RASA2: variants seen among roughly 807,000 people sequenced by gnomAD.
RASA2 encodes RAS p21 protein activator 2.
In RASA2, 155 loss-of-function variants were observed where a neutral mutation model predicts 118.2. That is an observed-to-expected ratio of 1.31 (90% CI 1.15 to 1.50). The LOEUF (loss-of-function observed/expected upper bound fraction) is 1.50, where lower values mean the gene tolerates loss of function less well. Ranked by LOEUF, RASA2 falls within the 40% of genes most tolerant of loss-of-function variation. RASA2 has a pLI of 0.00. For synonymous variants in RASA2, 353 were observed against 349.1 expected (o/e 1.01, Z -0.12); for missense variants, 1,016 against 1,009.6 (o/e 1.01, Z -0.09).
chr3:141,556,046 G>A, intron 7 of RASA2, 134 bp downstream of exon 7: 1 of 692,926 alleles, frequency 1.4e-6, no homozygotes, highest in East Asian at 3.0e-5. Flanking sequence ...CCTGAAAGCA[G>A]TAGAACCATG....
intron 17 of RASA2, among the ~76,000 whole-genome samples, chr3:141,582,615 C>G (rs745926238): frequency 4.6e-5 from 7 of 152,072 alleles, no homozygotes; most frequent in Non-Finnish European, 7.3e-5. Context: ...TCTGGGTCAC[C>G]CACTCACATT....
chr3:141,518,353 C>T lies in RASA2; in HGVS notation c.355+1922C>T, dbSNP rs546754229. ...CAAAAATTAGCCTGGAGCGGCGGTGCGCACCTGTAGTCCCAGCTACTCAGG... is the reference window on the plus strand; with the variant it reads ...CAAAAATTAGCCTGGAGCGGCGGTGTGCACCTGTAGTCCCAGCTACTCAGG... On this transcript the variant is annotated intron_variant, in intron 3 of 23. Transcript: ENST00000286364. Among the ~76,000 whole-genome samples the T allele has an allele frequency of 9.3e-5, 14 of 151,158 alleles. No individual in the cohort carries two copies. In the South Asian group the frequency reaches 1.7e-3, roughly 18 times the overall value.
chr3:141,515,409 A>G (rs1355643671), intron 2 of RASA2, among the ~76,000 whole-genome samples: 1 of 152,120 alleles, frequency 6.6e-6, no homozygotes, highest in Non-Finnish European at 1.5e-5. Flanking sequence ...GCATGACCCC[A>G]GGCAGTTACT....
intron 3 of RASA2, among the ~76,000 whole-genome samples, chr3:141,528,555 G>A (rs1455543163): frequency 1.3e-5 from 2 of 151,428 alleles, no homozygotes; most frequent in Admixed American, 6.6e-5. Context: ...CTTTTTTCCA[G>A]CACTAATGGC....
At chr3:141,569,627 A>G (rs923651501) in intron 9 of RASA2, among the ~76,000 whole-genome samples, 1 of 152,112 alleles carries the variant, frequency 6.6e-6, no homozygotes, top group African/African-American at 2.4e-5. Flanking sequence ...CCTTCATCCA[A>G]TTTTGTTTTG....
intron 17 of RASA2, 44 bp from the exon 18 acceptor site, chr3:141,585,981 G>C: frequency 6.8e-7 from 1 of 1,481,098 alleles, no homozygotes; most frequent in East Asian, 2.3e-5. Flanking sequence ...TTTTTATAAT[G>C]TACCTTATCA....
rs1227780410 is a variant in RASA2 at position 141,559,897 on chromosome 3, C to G, written c.765C>G (p.Ile255Met). 6.2e-7 allele frequency: 1 copy of G among 1,612,340 alleles called. No homozygotes were observed. The highest frequency in any genetic ancestry group is 8.5e-7 in the Non-Finnish European group (1 of 1,178,912). The stretch of plus-strand genomic sequence containing the variant: ...AAAGCCAGTTTTCAATTTTCAGGAT[C>G]GACTTGTGGAACAATGGAAACCTAG... ...EEDIEKLEIR[I>M]DLWNNGNLVQ... Residue 255 changes from isoleucine to methionine, a missense_variant, in exon 9 of 24, where the codon ATC (isoleucine) becomes ATG (methionine). Around this residue, in one of 2 missense-constraint regions of RASA2, gnomAD observed 896 missense variants for 836.4 expected, o/e 1.07. Coordinates refer to ENST00000286364, the MANE Select transcript of RASA2 (RefSeq NM_006506.5).
rs753830994 is a variant in RASA2 at position 141,559,930 on chromosome 3, T to C, written c.798T>C (p.Asp266=). 1.2e-6 allele frequency: 2 copies of C among 1,613,326 alleles called. No homozygotes were observed. The highest frequency in any genetic ancestry group is 1.1e-5 in the South Asian group (1 of 91,062). The change falls in exon 9 of 24, where the codon GAT becomes GAC. Residue 266 remains aspartate (D), a synonymous_variant. Coordinates refer to ENST00000286364, the MANE Select transcript of RASA2 (RefSeq NM_006506.5). ...GGAACAATGGAAACCTAGTCCAAGA[T>C]GTTTTCCTAGGTGAGATTAAGGTTC... ...DLWNNGNLVQ[D]VFLGEIKVPV... is the part of the protein sequence containing the mutation.
At chr3:141,560,481 T>A (rs949022454) in intron 9 of RASA2, among the ~76,000 whole-genome samples, 1 of 152,152 alleles carries the variant, frequency 6.6e-6, no homozygotes, top group African/African-American at 2.4e-5. Context: ...CTAATGTTAC[T>A]TTTTGAATGT....
Position 141,554,001 on chromosome 3 carries a change from AAAGT to A in RASA2, c.611+65_611+68del, listed in dbSNP as rs1415231229. 70 of 1,549,486 alleles carry A rather than the reference AAAGT, an allele frequency of 4.5e-5. 1 individual carries two copies. The South Asian group carries it at 7.8e-4, about 17-fold the overall frequency. ...TTTGATGTTTGATTTAAAAATTTAAAAAGTAAGATTCTACGAGCAAATGATAAAT... is the reference window on the plus strand; with the variant it reads ...TTTGATGTTTGATTTAAAAATTTAAAAAGATTCTACGAGCAAATGATAAAT... On this transcript the variant is annotated intron_variant, in intron 6 of 23. Transcript: ENST00000286364.
intron 5 of RASA2, among the ~76,000 whole-genome samples, chr3:141,540,992 G>T (rs949734262): frequency 6.6e-6 from 1 of 152,080 alleles, no homozygotes; most frequent in Admixed American, 6.6e-5. Context: ...GAGATGACCA[G>T]TATTGATTCC....
intron 1 of RASA2, among the ~76,000 whole-genome samples, chr3:141,501,599 T>G (rs954550209): frequency 1.3e-5 from 2 of 152,236 alleles, no homozygotes; most frequent in Non-Finnish European, 2.9e-5. Flanking sequence ...GCCTCTGTAA[T>G]GCATTCATTT....
At chr3:141,520,941 C>G (rs771212520) in intron 3 of RASA2, among the ~76,000 whole-genome samples, 5 of 151,998 alleles carry the variant, frequency 3.3e-5, no homozygotes, top group Non-Finnish European at 7.4e-5. Flanking sequence ...GCATAGGGAC[C>G]AAGATGAACA....
chr3:141,511,521 A>G (rs2081949990), intron 1 of RASA2, among the ~76,000 whole-genome samples: 2 of 152,122 alleles, frequency 1.3e-5, no homozygotes, highest in South Asian at 2.1e-4. Context: ...AAAGAGGGAT[A>G]TTTATGTTCA....
chr3:141,594,597 C>G (rs1306350264), intron 19 of RASA2, among the ~76,000 whole-genome samples: 1 of 152,034 alleles, frequency 6.6e-6, no homozygotes, highest in Non-Finnish European at 1.5e-5. Flanking sequence ...TCATAAAAAG[C>G]AACTAAAACT....
At chr3:141,572,585 T>G in intron 11 of RASA2, 24 bp from the exon 12 acceptor site, 2 of 1,514,548 alleles carry the variant, frequency 1.3e-6, no homozygotes, top group Non-Finnish European at 1.8e-6. Flanking sequence ...TTACTACATT[T>G]GGTTTCATCT....
rs543708092 is a variant in RASA2 at position 141,563,236 on chromosome 3, C to G, written c.863+3241C>G. 6.4e-4 allele frequency among the ~76,000 whole-genome samples: 98 copies of G among 152,226 alleles called. 1 individual carries two copies. The highest frequency in any genetic ancestry group is 9.7e-4 in the Non-Finnish European group (66 of 68,004). Reference sequence around the variant, plus strand: ...TTTCAGTTAAAAATTTCTCTTTATTCCCTGTTTCTTTTTCTTTCAAACGGA... The same window carrying G: ...TTTCAGTTAAAAATTTCTCTTTATTGCCTGTTTCTTTTTCTTTCAAACGGA... On this transcript the variant is annotated intron_variant, in intron 9 of 23. Transcript: ENST00000286364.
chr3:141,567,415 A>AAAT (rs536869045), intron 9 of RASA2, among the ~76,000 whole-genome samples: 32 of 151,928 alleles, frequency 2.1e-4, no homozygotes, highest in South Asian at 4.2e-4. Flanking sequence ...ACTCTGTCTC[A>AAAT]AATAATAATA....
At chr3:141,490,999 A>G (rs1345414116) in intron 1 of RASA2, among the ~76,000 whole-genome samples, 1 of 152,202 alleles carries the variant, frequency 6.6e-6, no homozygotes, top group Admixed American at 6.5e-5. Context: ...GATAAAAACT[A>G]ATCTTCATCT....
Sources: gnomAD v4.1 joint callset for allele counts (sites outside exome capture counted in the v4.1 genomes callset) on GRCh38, gnomAD v4.1.1 for gene constraint, gnomAD v4.1.1 regional missense constraint, MANE v1.5 for transcripts, NCBI Gene and HGNC (gene_info 2026-07-23, HGNC 2026-07-21) for gene names.